Variants in HS3ST5 observed in about 807,000 individuals in gnomAD.
HS3ST5 encodes heparan sulfate glucosamine 3-O-sulfotransferase 5.
Under a neutral mutation model 25.4 loss-of-function variants are expected in HS3ST5, and 10 were observed. The ratio of observed to expected loss-of-function variants is 0.39; its 90% confidence interval spans 0.24 to 0.67. The LOEUF is 0.67. Ranked by LOEUF, HS3ST5 falls within the 30% of genes least tolerant of loss-of-function variation. The pLI, the probability that HS3ST5 is intolerant of heterozygous loss-of-function variation, is 0.44. For missense variants in HS3ST5, 324 were observed against 420.7 expected, an observed-to-expected ratio of 0.77 and a Z score of 2.01; for synonymous variants, 170 against 162.4, an observed-to-expected ratio of 1.05 and a Z score of -0.36.
rs59862071 is a variant in HS3ST5, at chr6:114,141,858, TTGTGTGTGTGTGTGTGTGTGTGTGTGTG to T, written c.-33+26465_-33+26492del. ...TTTCTGCTCTATCTAAGATGATAGT[TTGTGTGTGTGTGTGTGTGTGTGTGTGTG>T]TGTGTGTGTGTGTGTGTGTATTTTG... On this transcript the variant is annotated intron_variant, in intron 3 of 4. Transcript: ENST00000312719. 6.9e-3 allele frequency among the ~76,000 whole-genome samples: 980 copies of T among 141,372 alleles called. 11 individuals are homozygous for T. Among genetic ancestry groups the T allele is most frequent in the African/African-American group, 0.024 (932 of 38,218 alleles). The allele number at this position is 141,372 out of a possible 152,430, so 92.7% of individuals were successfully genotyped here.
chr6:114,197,924 G>A lies in HS3ST5; in HGVS notation c.-144-29462C>T, dbSNP rs1457831272. Among the ~76,000 whole-genome samples, 8 of 152,214 alleles carry A rather than the reference G, an allele frequency of 5.3e-5. No homozygotes were observed. The South Asian group carries it at 1.5e-3, about 28-fold the overall frequency. The stretch of plus-strand genomic sequence containing the variant: ...TCCAAAGGATCACACTAGCTCCCTA[G>A]CAATGGATCCTAACCAGATTGAAAT... On this transcript the variant is annotated intron_variant, in intron 2 of 4. Coordinates refer to ENST00000312719, the MANE Select transcript of HS3ST5 (RefSeq NM_153612.4).
intron 1 of HS3ST5, among the ~76,000 whole-genome samples, chr6:114,336,737 T>C (rs766905812): frequency 7.8e-4 from 119 of 152,350 alleles, no homozygotes; most frequent in Non-Finnish European, 1.4e-3. Context: ...TGTCTGACTA[T>C]AGTACTTACA....
chr6:114,078,030 T>C (rs1406217847), intron 3 of HS3ST5, among the ~76,000 whole-genome samples: 2 of 152,162 alleles, frequency 1.3e-5, no homozygotes, highest in Non-Finnish European at 2.9e-5. Flanking sequence ...AATTAAACCA[T>C]TAGCAGACTG....
At chr6:114,331,036 G>T (rs1040628550) in intron 1 of HS3ST5, among the ~76,000 whole-genome samples, 1 of 152,182 alleles carries the variant, frequency 6.6e-6, no homozygotes, top group Non-Finnish European at 1.5e-5. Flanking sequence ...TATAACACGT[G>T]TAAGACTTGT....
intron 2 of HS3ST5, among the ~76,000 whole-genome samples, chr6:114,205,211 G>A (rs1003670384): frequency 2.0e-5 from 3 of 152,092 alleles, no homozygotes; most frequent in African/African-American, 7.2e-5. Flanking sequence ...CAAGTCCTGG[G>A]TCCTCTGGCT....
chr6:114,221,418 A>G (rs35077219), intron 2 of HS3ST5, among the ~76,000 whole-genome samples: 9 of 151,972 alleles, frequency 5.9e-5, no homozygotes, highest in East Asian at 1.9e-4. Context: ...ATGGTTCCAT[A>G]ATGACATACC....
chr6:114,096,810 A>T (rs746847321), intron 3 of HS3ST5, among the ~76,000 whole-genome samples: 2 of 152,148 alleles, frequency 1.3e-5, no homozygotes, highest in Non-Finnish European at 2.9e-5. Context: ...AGCAGGGGTA[A>T]TAGAATAATG....
chr6:114,286,058 G>A (rs1774326209), intron 1 of HS3ST5, among the ~76,000 whole-genome samples: 1 of 151,684 alleles, frequency 6.6e-6, no homozygotes, highest in Non-Finnish European at 1.5e-5. Flanking sequence ...AATCTCTAGA[G>A]GTTGGATAAC....
intron 3 of HS3ST5, among the ~76,000 whole-genome samples, chr6:114,135,408 A>C (rs1392498818): frequency 6.6e-6 from 1 of 152,180 alleles, no homozygotes; most frequent in Admixed American, 6.5e-5. Flanking sequence ...CTCCCCAGGC[A>C]GGGAAAAAAC....
At chr6:114,061,933 C>T (rs1410076353) in intron 4 of HS3ST5, among the ~76,000 whole-genome samples, 1 of 151,920 alleles carries the variant, frequency 6.6e-6, no homozygotes, top group African/African-American at 2.4e-5. Flanking sequence ...GGGCAATGAG[C>T]GAAACTCCAT....
chr6:114,240,272 C>G (rs1044825109), intron 1 of HS3ST5, among the ~76,000 whole-genome samples: 6 of 152,150 alleles, frequency 3.9e-5, no homozygotes, highest in African/African-American at 1.4e-4. Context: ...ATCATGGCCT[C>G]CCTATTACAG....
intron 3 of HS3ST5, among the ~76,000 whole-genome samples, chr6:114,072,401 C>T (rs975306976): frequency 6.6e-6 from 1 of 151,980 alleles, no homozygotes; most frequent in African/African-American, 2.4e-5. Context: ...ACTTTGGAAG[C>T]CAGTTGTTAA....
intron 3 of HS3ST5, among the ~76,000 whole-genome samples, chr6:114,082,401 G>C (rs376980371): frequency 2.8e-4 from 43 of 152,262 alleles, no homozygotes; most frequent in African/African-American, 9.9e-4. Flanking sequence ...AAGTCATTTA[G>C]TGTTCAGTAA....
chr6:114,094,510 G>A (rs1351920739), intron 3 of HS3ST5, among the ~76,000 whole-genome samples: 1 of 152,172 alleles, frequency 6.6e-6, no homozygotes, highest in African/African-American at 2.4e-5. Flanking sequence ...GTAAAGATCA[G>A]AAAGAATGGA....
At chr6:114,193,402 T>C (rs1001733367) in intron 2 of HS3ST5, among the ~76,000 whole-genome samples, 5 of 152,328 alleles carry the variant, frequency 3.3e-5, no homozygotes, top group African/African-American at 1.2e-4. Context: ...TAAAGTTTAT[T>C]ATTGATAAAG....
intron 1 of HS3ST5, among the ~76,000 whole-genome samples, chr6:114,274,074 G>T (rs961780689): frequency 9.9e-5 from 15 of 151,980 alleles, no homozygotes; most frequent in African/African-American, 3.6e-4. Context: ...TAAGTACAAG[G>T]GAATGGGATC....
chr6:114,212,485 AC>A (rs992766130), intron 2 of HS3ST5, among the ~76,000 whole-genome samples: 1 of 152,170 alleles, frequency 6.6e-6, no homozygotes, highest in African/African-American at 2.4e-5. Flanking sequence ...GGTGGAGAAA[AC>A]AAAACATCAG....
intron 3 of HS3ST5, among the ~76,000 whole-genome samples, chr6:114,161,110 G>C (rs1778924361): frequency 6.6e-6 from 1 of 151,958 alleles, no homozygotes; most frequent in South Asian, 2.1e-4. Flanking sequence ...TCTTGCAAAT[G>C]GGTCTTCCTA....
intron 3 of HS3ST5, among the ~76,000 whole-genome samples, chr6:114,076,787 C>T (rs1334899): frequency 2.0e-5 from 3 of 152,030 alleles, no homozygotes; most frequent in African/African-American, 4.8e-5. Flanking sequence ...GTGTTGTGCA[C>T]GTGTCAAGTC....
Sources: allele counts gnomAD v4.1 joint callset (sites outside exome capture counted in the v4.1 genomes callset), GRCh38; gene constraint gnomAD v4.1.1; transcripts MANE v1.5; gene names NCBI Gene and HGNC (gene_info 2026-07-23, HGNC 2026-07-21).